Variants in SLC2A14 observed in about 807,000 individuals in gnomAD.
SLC2A14 encodes solute carrier family 2 member 14, also known as solute carrier family 2, facilitated glucose transporter member 14.
A neutral mutation model predicts 43.0 loss-of-function variants in SLC2A14; 13 were observed. That is an observed-to-expected ratio of 0.30 (90% CI 0.20 to 0.48). The LOEUF (loss-of-function observed/expected upper bound fraction) is 0.48. SLC2A14 is among the 20% of genes least tolerant of loss of function. The pLI is 0.99. For missense variants in SLC2A14, 428 were observed against 620.4 expected, an observed-to-expected ratio of 0.69 and a Z score of 3.29; for synonymous variants, 190 against 233.8, an observed-to-expected ratio of 0.81 and a Z score of 1.71.
chr12:7,850,271 C>T (rs1866816650), intron 2 of SLC2A14, among the ~76,000 whole-genome samples: 1 of 152,056 alleles, frequency 6.6e-6, no homozygotes, highest in African/African-American at 2.4e-5. Context: ...AGGAATAAGG[C>T]ACTTACAGGA....
At chr12:7,864,917 T>G (rs1451246141) in intron 2 of SLC2A14, among the ~76,000 whole-genome samples, 3 of 152,294 alleles carry the variant, frequency 2.0e-5, no homozygotes, top group Non-Finnish European at 2.9e-5. Flanking sequence ...TATGTCACTC[T>G]GGTTTCTGCT....
intron 2 of SLC2A14, chr12:7,863,274 A>G: frequency 4.8e-6 from 2 of 413,458 alleles, no homozygotes; most frequent in Admixed American, 2.7e-5. Flanking sequence ...AGCCAGCAAG[A>G]CCACGAACCC....
intron 2 of SLC2A14, among the ~76,000 whole-genome samples, chr12:7,846,727 G>A (rs1437515957): frequency 7.6e-6 from 1 of 131,506 alleles, no homozygotes; most frequent in Non-Finnish European, 1.7e-5. Flanking sequence ...TGCCTCCTGG[G>A]TTCAAGCGAT....
chr12:7,864,599 A>G (rs999869533), intron 2 of SLC2A14, among the ~76,000 whole-genome samples: 2 of 152,050 alleles, frequency 1.3e-5, no homozygotes, highest in African/African-American at 4.8e-5. Context: ...CGGCCTCCCA[A>G]AGTGTTGGGA....
At chr12:7,886,553 A>G (rs1945692594) in intron 1 of SLC2A14, among the ~76,000 whole-genome samples, 1 of 152,008 alleles carries the variant, frequency 6.6e-6, no homozygotes, top group Non-Finnish European at 1.5e-5. Flanking sequence ...TGGGTAAAAT[A>G]GGCAAAATAG....
intron 2 of SLC2A14, among the ~76,000 whole-genome samples, chr12:7,855,832 TCA>T (rs780421489): frequency 6.6e-6 from 1 of 151,856 alleles, no homozygotes; most frequent in Non-Finnish European, 1.5e-5. Context: ...AAACGGGGTT[TCA>T]CCATGTTAGC....
intron 10 of SLC2A14, among the ~76,000 whole-genome samples, chr12:7,815,055 C>T (rs1040976794): frequency 6.6e-5 from 10 of 151,846 alleles, no homozygotes; most frequent in Admixed American, 3.3e-4. Flanking sequence ...GCCTTGGCCT[C>T]CCAAAGTGCT....
At chr12:7,882,832 T>C (rs1945610962) in intron 1 of SLC2A14, among the ~76,000 whole-genome samples, 1 of 151,628 alleles carries the variant, frequency 6.6e-6, no homozygotes, top group Admixed American at 6.6e-5. Context: ...TGAGGCTGTC[T>C]CAAAAAAATT....
chr12:7,828,912 G>A (rs754259585), intron 5 of SLC2A14, 46 bp from the exon 6 acceptor site: 1 of 1,584,380 alleles, frequency 6.3e-7, no homozygotes, highest in South Asian at 1.1e-5. Flanking sequence ...TACTTCACAG[G>A]CCACAAGTTC....
intron 1 of SLC2A14, among the ~76,000 whole-genome samples, chr12:7,888,030 T>A (rs1445160315): frequency 1.3e-5 from 2 of 152,066 alleles, no homozygotes; most frequent in Admixed American, 1.3e-4. Flanking sequence ...AGTTGGCCCC[T>A]CATTGATCCA....
In SLC2A14 at chr12:7,827,899, G is replaced by C. The variant is rs375058266; in HGVS notation, c.677-217C>G. ...CTCGTGCCTGTAATCCCAGCATTTT[G>C]TGAGGCCGAGGCTTGTGGATCACCT... On this transcript the variant is annotated intron_variant, in intron 6 of 10. Transcript: ENST00000431042. Among the ~76,000 whole-genome samples, 6 of 152,250 alleles carry C rather than the reference G, an allele frequency of 3.9e-5. No homozygotes were observed. The South Asian group carries it at 1.2e-3, about 32-fold the overall frequency.
chr12:7,841,930 A>G (rs11616119), intron 2 of SLC2A14, among the ~76,000 whole-genome samples: 106,917 of 151,372 alleles, frequency 0.71, 38,289 homozygotes, highest in East Asian at 0.89. Flanking sequence ...GACTGAACCC[A>G]GGAGGCAGAG....
chr12:7,869,575 C>T lies in SLC2A14; in HGVS notation c.18+288G>A, dbSNP rs116333220. The stretch of plus-strand genomic sequence containing the variant: ...CAAAACCAGTTGCATATGATTATTA[C>T]GGAGGCCTGTTTGCAATTACAATGC... On this transcript the variant is annotated intron_variant, in intron 2 of 10. Coordinates refer to ENST00000431042, the MANE Select transcript of SLC2A14 (RefSeq NM_001286234.2). 3.1e-3 allele frequency among the ~76,000 whole-genome samples: 475 copies of T among 152,196 alleles called. 3 individuals are homozygous for T. The highest frequency in any genetic ancestry group is 5.1e-3 in the Non-Finnish European group (346 of 68,010).
intron 7 of SLC2A14, among the ~76,000 whole-genome samples, chr12:7,822,443 A>C (rs7960339): frequency 6.6e-6 from 1 of 151,300 alleles, no homozygotes. Flanking sequence ...CGAGGCGGGC[A>C]GATCACGAGG....
At chr12:7,827,071 CTCTCTTTCTTTCTTTCTTTCTT>C (rs1221841990) in intron 7 of SLC2A14, among the ~76,000 whole-genome samples, 3 of 79,704 alleles carry the variant, frequency 3.8e-5, no homozygotes, top group Admixed American at 1.4e-4. Flanking sequence ...CTTTCTCTCT[CTCTCTTTCTTTCTTTCTTTCTT>C]TCTCTTTCTT....
chr12:7,828,986 G>A (rs762034921), intron 5 of SLC2A14, 120 bp from the exon 6 acceptor site: 28 of 1,246,708 alleles, frequency 2.2e-5, no homozygotes, highest in Non-Finnish European at 2.9e-5. Context: ...ACTTTGGAAG[G>A]CTGAGGCAGG....
intron 1 of SLC2A14, among the ~76,000 whole-genome samples, chr12:7,886,524 G>T (rs114940241): frequency 0.023 from 3,516 of 151,900 alleles, 99 homozygotes; most frequent in African/African-American, 0.07. Context: ...ATAATAAAAA[G>T]GTTCTTTTTG....
intron 2 of SLC2A14, among the ~76,000 whole-genome samples, chr12:7,844,105 C>CTT (rs1389957368): frequency 8.5e-5 from 13 of 152,220 alleles, no homozygotes; most frequent in Admixed American, 7.9e-4. Flanking sequence ...GATCTAGATT[C>CTT]TTTAACATTT....
In SLC2A14 at chr12:7,813,316, A is replaced by G. The variant is rs1863175280; in HGVS notation, c.*1000T>C. 6.6e-6 allele frequency: 1 copy of G among 152,144 alleles called. No individual in the cohort carries two copies. The highest frequency in any genetic ancestry group is 1.5e-5 in the Non-Finnish European group (1 of 68,030). 9.4% of individuals were successfully genotyped at this position (152,144 alleles called of 1,614,324 possible). ...CTCATTTGGATGGCTCTCCCACTAG[A>G]TAGGTGGCGGGATTACTTCAAAAGT... On this transcript the variant is annotated 3_prime_UTR_variant, in exon 11 of 11. Transcript: ENST00000431042.
Sources: gnomAD v4.1 joint callset for allele counts (sites outside exome capture counted in the v4.1 genomes callset) on GRCh38, gnomAD v4.1.1 for gene constraint, MANE v1.5 for transcripts, NCBI Gene and HGNC (gene_info 2026-07-23, HGNC 2026-07-21) for gene names.